Variants in CHLSN observed in about 807,000 individuals in gnomAD.
The protein encoded by CHLSN is protein cholesin.
the CHLSN span, chr7:985,214 C>A: frequency 1.1e-5 from 17 of 1,557,630 alleles, no homozygotes; most frequent in African/African-American, 5.4e-5. Flanking sequence ...TCCAATATCA[C>A]CTTCGCGCTC....
chr7:1,075,582 C>T, the CHLSN span, among the ~76,000 whole-genome samples: 520 of 148,670 alleles, frequency 3.5e-3, 3 homozygotes, highest in African/African-American at 0.012. Flanking sequence ...TTGAAGCTGA[C>T]CAAGGCCGCA....
the CHLSN span, among the ~76,000 whole-genome samples, chr7:1,013,666 C>T: frequency 6.6e-6 from 1 of 152,198 alleles, no homozygotes; most frequent in South Asian, 2.1e-4. Flanking sequence ...CTTTCCAACA[C>T]AGATGGGACG....
At chr7:1,042,073 C>G in the CHLSN span, among the ~76,000 whole-genome samples, 3 of 151,840 alleles carry the variant, frequency 2.0e-5, no homozygotes, top group Non-Finnish European at 1.5e-5. Context: ...ATCCCCCACC[C>G]GCAACACACA....
chr7:983,174 G>A, the CHLSN span: 3 of 1,445,422 alleles, frequency 2.1e-6, no homozygotes, highest in African/African-American at 1.4e-5. Flanking sequence ...GGGGGACGGG[G>A]CCCAGGAGGG....
chr7:987,209 G>A, the CHLSN span: 3 of 1,546,230 alleles, frequency 1.9e-6, no homozygotes, highest in Non-Finnish European at 2.6e-6. Flanking sequence ...GCTGCAGTGG[G>A]CCGCACTTCT....
chr7:1,070,733 C>T, the CHLSN span, among the ~76,000 whole-genome samples: 12 of 151,004 alleles, frequency 7.9e-5, no homozygotes, highest in South Asian at 4.2e-4. Context: ...CACACATGCA[C>T]GCACATATGC....
chr7:1,065,790 A>G, the CHLSN span, among the ~76,000 whole-genome samples: 46,105 of 152,170 alleles, frequency 0.3, 7,245 homozygotes, highest in Middle Eastern at 0.37. Flanking sequence ...ATCACGGCTC[A>G]GCATCTCATG....
At chr7:1,083,000 G>A in the CHLSN span, among the ~76,000 whole-genome samples, 1 of 152,234 alleles carries the variant, frequency 6.6e-6, no homozygotes, top group Non-Finnish European at 1.5e-5. Flanking sequence ...AGGTGGGGCT[G>A]GGACAATGCC....
At chr7:993,346 G>A in the CHLSN span, among the ~76,000 whole-genome samples, 2 of 152,166 alleles carry the variant, frequency 1.3e-5, no homozygotes, top group African/African-American at 4.8e-5. Flanking sequence ...GGCAGGTGGC[G>A]CCACCTGATC....
the CHLSN span, among the ~76,000 whole-genome samples, chr7:1,053,132 C>T: frequency 1.9e-4 from 29 of 151,236 alleles, no homozygotes; most frequent in African/African-American, 5.3e-4. Context: ...CCAGACAGCC[C>T]GGCAGCCAGG....
chr7:1,115,573 C>G, the CHLSN span, among the ~76,000 whole-genome samples: 1 of 137,662 alleles, frequency 7.3e-6, no homozygotes, highest in Admixed American at 7.3e-5. Flanking sequence ...GCTTCCATCA[C>G]CAACGCCCAG....
the CHLSN span, among the ~76,000 whole-genome samples, chr7:1,090,065 C>T: frequency 8.0e-4 from 119 of 149,226 alleles, no homozygotes; most frequent in African/African-American, 2.8e-3. Flanking sequence ...ACCTGGGTGA[C>T]CAAAAAAAAA....
chr7:1,041,324 AAGGGGGCCTGGGGTCCGCGCTGCGGG>A, the CHLSN span, among the ~76,000 whole-genome samples: 2 of 106,820 alleles, frequency 1.9e-5, no homozygotes, highest in African/African-American at 7.9e-5. Context: ...CGCTGCGGGG[AAGGGGGCCTGGGGTCCGCGCTGCGGG>A]GAAGGGGGCC....
At chr7:991,115 G>A in the CHLSN span, among the ~76,000 whole-genome samples, 3 of 152,040 alleles carry the variant, frequency 2.0e-5, no homozygotes, top group Non-Finnish European at 4.4e-5. Flanking sequence ...GGGAGCCCGA[G>A]GCCCACGTGG....
chr7:1,011,273 C>G, the CHLSN span, among the ~76,000 whole-genome samples: 1 of 147,746 alleles, frequency 6.8e-6, no homozygotes. Context: ...ACACCCACAC[C>G]CAGATACCCA....
At chr7:1,012,183 T>C in the CHLSN span, among the ~76,000 whole-genome samples, 7 of 152,200 alleles carry the variant, frequency 4.6e-5, no homozygotes, top group African/African-American at 1.7e-4. Flanking sequence ...CCAAAGTCCA[T>C]AACACTGTTA....
At chr7:1,054,726 G>A in the CHLSN span, among the ~76,000 whole-genome samples, 3 of 152,204 alleles carry the variant, frequency 2.0e-5, no homozygotes, top group African/African-American at 7.2e-5. Context: ...ACCTGCAGGA[G>A]AGCCCTCGCA....
chr7:1,055,881 G>T, the CHLSN span, among the ~76,000 whole-genome samples: 4 of 152,202 alleles, frequency 2.6e-5, no homozygotes, highest in African/African-American at 9.7e-5. Flanking sequence ...ACAGTGGCCT[G>T]TGTTTCCTGG....
At chr7:1,017,287 G>A in the CHLSN span, among the ~76,000 whole-genome samples, 22 of 152,264 alleles carry the variant, frequency 1.4e-4, no homozygotes, top group Middle Eastern at 6.8e-3. Flanking sequence ...TTGGAGCTGC[G>A]GGGAGGGACG....
Sources: gnomAD v4.1 joint callset for allele counts (sites outside exome capture counted in the v4.1 genomes callset) on GRCh38, gnomAD v4.1.1 for gene constraint, MANE v1.5 for transcripts, NCBI Gene and HGNC (gene_info 2026-07-23, HGNC 2026-07-21) for gene names.